Variants in CROCC2 observed in about 807,000 individuals in gnomAD.
CROCC2 encodes ciliary rootlet coiled-coil protein 2.
In CROCC2, 163 loss-of-function variants were observed where a neutral mutation model predicts 177.6. The observed-to-expected ratio is 0.92, with a 90% CI of 0.81 to 1.05. The LOEUF (loss-of-function observed/expected upper bound fraction) is 1.05, where lower values mean the gene tolerates loss of function less well. Among genes scored for constraint, CROCC2 ranks in the 50% least tolerant of loss-of-function variants. The pLI is 0.00. For synonymous variants in CROCC2, 904 were observed against 787.3 expected, an observed-to-expected ratio of 1.15 and a Z score of -2.48; for missense variants, 1,929 against 1,797.8, an observed-to-expected ratio of 1.07 and a Z score of -1.32.
At chr2:240,919,031 C>T (rs1379855660) in intron 2 of CROCC2, among the ~76,000 whole-genome samples, 155 bp downstream of exon 2, 4 of 32,944 alleles carry the variant, frequency 1.2e-4, no homozygotes, top group African/African-American at 3.6e-4. Flanking sequence ...GTCCTGGGCC[C>T]GGGGCTGGGC....
At position 240,963,583 on chromosome 2, in the gene CROCC2, G is replaced by A. The variant is rs749862655; in HGVS notation, c.3115G>A (p.Val1039Met). 4.3e-5 allele frequency: 67 copies of A among 1,545,526 alleles called. No homozygotes were observed. Among genetic ancestry groups the A allele is most frequent in the African/African-American group, 3.2e-4 (23 of 72,868 alleles). ...EAERLRAQLTVAQEGLAALRQ... is the reference protein window; with the variant it reads ...EAERLRAQLTMAQEGLAALRQ... The stretch of plus-strand genomic sequence containing the variant: ...TGAGAGGCTGCGGGCACAGCTGACC[G>A]TGGCCCAGGAGGGACTGGCCGCACT... The change falls in exon 21 of 32, where the codon GTG becomes ATG. Residue 1039 changes from valine to methionine, a missense_variant. Val to Met is a conservative substitution (Grantham distance 21). This residue lies in a region of CROCC2 where 1,397 missense variants were observed against 1,239.9 expected (regional missense o/e 1.13). Coordinates refer to ENST00000690015, the MANE Select transcript of CROCC2 (RefSeq NM_001351305.2).
chr2:240,975,640 C>T (rs768708556), intron 27 of CROCC2, among the ~76,000 whole-genome samples: 1 of 151,822 alleles, frequency 6.6e-6, no homozygotes, highest in Admixed American at 6.6e-5. Context: ...CCAGCCTTCG[C>T]TCCCAGCCTT....
intron 22 of CROCC2, 27 bp from the exon 23 acceptor site, chr2:240,965,354 C>T: frequency 1.3e-6 from 2 of 1,548,222 alleles, no homozygotes; most frequent in Non-Finnish European, 1.7e-6. Context: ...GACCAGTGAC[C>T]CTGTCCGTGC....
At chr2:240,945,421 C>T (rs1473314460) in intron 14 of CROCC2, among the ~76,000 whole-genome samples, 1 of 152,194 alleles carries the variant, frequency 6.6e-6, no homozygotes, top group Non-Finnish European at 1.5e-5. Context: ...TTATCAGAGC[C>T]TCTCTGTTTT....
chr2:240,929,704 GA>G (rs1406694203), intron 5 of CROCC2: 3 of 457,132 alleles, frequency 6.6e-6, no homozygotes, highest in African/African-American at 6.0e-5. Flanking sequence ...AGAGTAAGGA[GA>G]AAGACTGTAC....
chr2:240,976,870 GTCTCT>G (rs2059770375), intron 27 of CROCC2, among the ~76,000 whole-genome samples: 1 of 16,562 alleles, frequency 6.0e-5, no homozygotes. Context: ...TCCCTGCTCA[GTCTCT>G]GGGGTAGGAG....
Position 240,986,085 on chromosome 2 carries a change from G to T in CROCC2, c.4552-2654G>T, listed in dbSNP as rs1381605613. The T allele has an allele frequency of 7.7e-6, 3 of 389,988 alleles. No homozygotes were observed. The East Asian group carries it at 2.2e-4, about 29-fold the overall frequency. 24.2% of individuals were successfully genotyped at this position (389,988 alleles called of 1,614,324 possible). A position where few individuals can be genotyped will look rare whatever the true frequency, so the allele number is the denominator to read the frequency against. ...AGGGCTGGACACTGCCCTTTCTACA[G>T]CATGCGTTGTTTAAATGACTCCAGG... On this transcript the variant is annotated intron_variant, in intron 28 of 31. Coordinates refer to ENST00000690015, the MANE Select transcript of CROCC2 (RefSeq NM_001351305.2).
rs778707158 is a variant in CROCC2 at position 240,932,873 on chromosome 2, C to G, written c.1216C>G (p.Arg406Gly). The change falls in exon 9 of 32, where the codon CGG becomes GGG. Residue 406 changes from arginine (R) to glycine (G), a missense_variant. By Grantham distance (125) the Arg-to-Gly change is moderately radical. Transcript: ENST00000690015. Reference sequence around the variant, plus strand: ...CCTGGACCCCGCACTGCAGGCCATGCGGGCAGCCATAGAGAGGCGGTGGCG... The same window carrying G: ...CCTGGACCCCGCACTGCAGGCCATGGGGGCAGCCATAGAGAGGCGGTGGCG... ...ATLDPALQAMRAAIERRWRRE... is the reference protein window; with the variant it reads ...ATLDPALQAMGAAIERRWRRE... The G allele has an allele frequency of 6.5e-6, 10 of 1,546,604 alleles. No homozygotes were observed. The South Asian group carries it at 1.1e-4, about 17-fold the overall frequency.
chr2:240,964,667 C>G, intron 22 of CROCC2, 42 bp downstream of exon 22: 1 of 1,535,090 alleles, frequency 6.5e-7, no homozygotes, highest in Non-Finnish European at 8.8e-7. Flanking sequence ...CAGGCACCCT[C>G]CCGCCTGGTG....
Position 240,989,760 on chromosome 2 carries a change from G to C in CROCC2, c.4790G>C (p.Arg1597Pro). ...GAGGCAGAGCGTCTCCATGGGGCCCGGCCGCAGGCCACGCAGGCCCTGGAG... is the reference window on the plus strand; with the variant it reads ...GAGGCAGAGCGTCTCCATGGGGCCCCGCCGCAGGCCACGCAGGCCCTGGAG... ...ATEAERLHGA[R>P]PQATQALESQ... The change falls in exon 30 of 32, where the codon CGG becomes CCG. Residue 1597 changes from arginine (R) to proline (P), a missense_variant. Around this residue, in one of 3 missense-constraint regions of CROCC2, gnomAD observed 388 missense variants for 352.7 expected, o/e 1.10. Transcript: ENST00000690015. The C allele has an allele frequency of 6.5e-7, 1 of 1,550,214 alleles. No individual in the cohort carries two copies. Among genetic ancestry groups the C allele is most frequent in the Non-Finnish European group, 8.7e-7 (1 of 1,146,802 alleles).
Position 240,933,270 on chromosome 2 carries a change from C to G in CROCC2, c.1391C>G (p.Ala464Gly), listed in dbSNP as rs2059446285. ...CGGGAGCAGGCACGGGAACGAGAGG[C>G]TCTTCGGGGCCAGCTGGAGGCCCAG... ...RAREQARERE[A>G]LRGQLEAQRL... Residue 464 changes from alanine (A) to glycine (G), a missense_variant, in exon 10 of 32, where the codon GCT becomes GGT. By Grantham distance (60) the Ala-to-Gly change is moderately conservative. Around this residue, in one of 3 missense-constraint regions of CROCC2, gnomAD observed 1,397 missense variants for 1,239.9 expected, o/e 1.13. Coordinates refer to ENST00000690015, the MANE Select transcript of CROCC2 (RefSeq NM_001351305.2). 4 of 1,547,436 alleles carry G rather than the reference C, an allele frequency of 2.6e-6. No homozygotes were observed. The highest frequency in any genetic ancestry group is 3.5e-6 in the Non-Finnish European group (4 of 1,146,342).
Position 240,989,649 on chromosome 2 carries a change from T to G in CROCC2, c.4684-5T>G, listed in dbSNP as rs1381728309. 1 of 1,542,244 alleles carries G rather than the reference T, an allele frequency of 6.5e-7. No homozygotes were observed. The highest frequency in any genetic ancestry group is 1.4e-5 in the African/African-American group (1 of 72,874). On this transcript the variant is annotated splice_polypyrimidine_tract_variant and splice_region_variant and intron_variant, in intron 29 of 31. Transcript: ENST00000690015. ...AGCAGTGAGATGCCCAAGTTCTCACTCCAGGCCCAGATGACAGAGATGGAG... is the reference window on the plus strand; with the variant it reads ...AGCAGTGAGATGCCCAAGTTCTCACGCCAGGCCCAGATGACAGAGATGGAG...
intron 2 of CROCC2, among the ~76,000 whole-genome samples, 154 bp from the exon 3 acceptor site, chr2:240,919,829 G>A (rs535300266): frequency 2.0e-5 from 3 of 152,286 alleles, no homozygotes; most frequent in South Asian, 2.1e-4. Context: ...TTAGGGTCCC[G>A]GGCTCAGATC....
chr2:240,983,549 C>A, intron 28 of CROCC2: 1 of 1,273,470 alleles, frequency 7.9e-7, no homozygotes, highest in Non-Finnish European at 1.0e-6. Flanking sequence ...GCAGGGGGAG[C>A]TCGCGGCGCT....
At position 240,960,672 on chromosome 2, in the gene CROCC2, G is replaced by C. The variant is rs1016635063; in HGVS notation, c.3087+1228G>C. On this transcript the variant is annotated intron_variant, in intron 20 of 31. Coordinates refer to ENST00000690015, the MANE Select transcript of CROCC2 (RefSeq NM_001351305.2). The surrounding 1 kb of genome is among the most constrained non-coding windows in gnomAD (Gnocchi z 5.0). The stretch of plus-strand genomic sequence containing the variant: ...TGCGCAGCTGACCTGGTGCTGGAGC[G>C]AGCGGCTGGCGCACACCACGCCCCA... Among the ~76,000 whole-genome samples, 1 of 152,148 alleles carries C rather than the reference G, an allele frequency of 6.6e-6. No individual in the cohort carries two copies. The highest frequency in any genetic ancestry group is 1.5e-5 in the Non-Finnish European group (1 of 68,002).
chr2:240,992,231 C>A (rs1026288082), intron 31 of CROCC2, among the ~76,000 whole-genome samples: 1 of 152,194 alleles, frequency 6.6e-6, no homozygotes, highest in African/African-American at 2.4e-5. Flanking sequence ...TATAGGTGGT[C>A]ATTTGTGATA....
At chr2:240,919,599 G>C (rs2059344771) in intron 2 of CROCC2, among the ~76,000 whole-genome samples, 1 of 152,128 alleles carries the variant, frequency 6.6e-6, no homozygotes, top group East Asian at 1.9e-4. Context: ...ATTTACAAAA[G>C]CACCTTATTA....
At chr2:240,944,245 C>A (rs2059510564) in intron 14 of CROCC2, among the ~76,000 whole-genome samples, 3 of 152,002 alleles carry the variant, frequency 2.0e-5, no homozygotes, top group Admixed American at 2.0e-4. Flanking sequence ...AAACATTTTT[C>A]TTTATCTTTG....
intron 28 of CROCC2, among the ~76,000 whole-genome samples, chr2:240,984,626 C>T (rs904062610): frequency 1.9e-5 from 2 of 106,168 alleles, no homozygotes; most frequent in African/African-American, 4.3e-5. Context: ...TCACTCCACA[C>T]ACACACCCAG....
Sources: gnomAD v4.1 joint callset for allele counts (sites outside exome capture counted in the v4.1 genomes callset) on GRCh38, gnomAD v4.1.1 for gene constraint, gnomAD v4.1.1 regional missense constraint, Gnocchi (gnomAD v3.1) non-coding constraint, MANE v1.5 for transcripts, NCBI Gene and HGNC (gene_info 2026-07-23, HGNC 2026-07-21) for gene names.